The following SRC variants were observed in gnomAD, a reference collection of about 807,000 sequenced individuals.
The protein encoded by SRC is SRC proto-oncogene, non-receptor tyrosine kinase.
A neutral mutation model predicts 62.9 loss-of-function variants in SRC; 13 were observed. The ratio of observed to expected loss-of-function variants is 0.21; its 90% confidence interval spans 0.13 to 0.33. The LOEUF is 0.33. Ranked by LOEUF, SRC falls within the 10% of genes least tolerant of loss-of-function variation. The pLI, the probability that SRC is intolerant of heterozygous loss-of-function variation, is 1.00. For synonymous variants in SRC, 302 were observed against 317.5 expected, an observed-to-expected ratio of 0.95 and a Z score of 0.52; for missense variants, 457 against 737.3, an observed-to-expected ratio of 0.62 and a Z score of 4.40.
At chr20:37,364,602 G>A (rs1264666517) in intron 1 of SRC, among the ~76,000 whole-genome samples, 1 of 152,158 alleles carries the variant, frequency 6.6e-6, no homozygotes, top group Non-Finnish European at 1.5e-5. Flanking sequence ...AACCTGCTGT[G>A]TGATCTTGGA....
At chr20:37,375,220 C>T (rs1176339835) in intron 2 of SRC, among the ~76,000 whole-genome samples, 13 of 151,484 alleles carry the variant, frequency 8.6e-5, no homozygotes, top group Admixed American at 4.6e-4. Context: ...CATGAGCCAC[C>T]GCACCTGGCC....
intron 1 of SRC, among the ~76,000 whole-genome samples, chr20:37,346,837 A>G (rs924346004): frequency 6.6e-6 from 1 of 152,056 alleles, no homozygotes. Context: ...CACAGCCCCC[A>G]GCCTCGCCCC....
chr20:37,393,691 C>T, intron 5 of SRC: 1 of 564,214 alleles, frequency 1.8e-6, no homozygotes, highest in Non-Finnish European at 3.2e-6. Context: ...CCAGCTTTGG[C>T]AAAAAGGCGT....
In SRC at chr20:37,397,462, C is replaced by T. The variant is rs1196564908; in HGVS notation, c.704-237C>T. On this transcript the variant is annotated intron_variant, in intron 8 of 13. Coordinates refer to ENST00000373578, the MANE Select transcript of SRC (RefSeq NM_198291.3). This position sits in a 1 kb window ranked among gnomAD's most constrained non-coding sequence, Gnocchi z 4.1. ...TTCCCTCCCCGCAGGGTTCCTGGCA[C>T]CCCCTACTGTCTGCTGAATGACTGA... 6.6e-6 allele frequency among the ~76,000 whole-genome samples: 1 copy of T among 152,172 alleles called. No homozygotes were observed. Among genetic ancestry groups the T allele is most frequent in the Non-Finnish European group, 1.5e-5 (1 of 68,030 alleles).
In SRC at chr20:37,405,423, A is replaced by G. The variant is rs1847410518; in HGVS notation, c.*2044A>G. ...AAACACAAACAGACCTCAGAATCTG[A>G]TCAACAGTTTATTGAACATCTACTG... On this transcript the variant is annotated 3_prime_UTR_variant, in exon 14 of 14. Transcript: ENST00000373578. 5.0e-6 allele frequency: 1 copy of G among 201,104 alleles called. No individual in the cohort carries two copies. Among genetic ancestry groups the G allele is most frequent in the Non-Finnish European group, 1.0e-5 (1 of 97,714 alleles). The allele number at this position is 201,104 out of a possible 1,614,324, so 12.5% of individuals were successfully genotyped here.
chr20:37,401,809 C>A, intron 11 of SRC, 131 bp downstream of exon 11: 1 of 600,216 alleles, frequency 1.7e-6, no homozygotes. Context: ...ACTCACTGAT[C>A]TTGCCGCACG....
intron 7 of SRC, 22 bp downstream of exon 7, chr20:37,394,299 A>G (rs946366675): frequency 4.4e-6 from 7 of 1,600,926 alleles, no homozygotes; most frequent in Non-Finnish European, 6.0e-6. Context: ...CTTGCTGGCC[A>G]ACGGATACTG....
chr20:37,370,870 G>A (rs1203250652), intron 2 of SRC, among the ~76,000 whole-genome samples: 2 of 152,104 alleles, frequency 1.3e-5, no homozygotes. Flanking sequence ...GAATTCACCA[G>A]TCCAGCTATC....
Position 37,389,918 on chromosome 20 carries a change from G to A in SRC, c.350+3744G>A, listed in dbSNP as rs533427776. ...TGCCCACCTGATGAGGACCAGGCCC[G>A]GGGGAAGGTGCTGGATGCCGTAGAA... On this transcript the variant is annotated intron_variant, in intron 5 of 13. Coordinates refer to ENST00000373578, the MANE Select transcript of SRC (RefSeq NM_198291.3). Among the ~76,000 whole-genome samples, 98 of 152,258 alleles carry A rather than the reference G, an allele frequency of 6.4e-4. 1 individual carries two copies. The highest frequency in any genetic ancestry group is 2.2e-3 in the African/African-American group (93 of 41,552).
At chr20:37,399,106 A>G (rs1213999578) in intron 9 of SRC, among the ~76,000 whole-genome samples, 2 of 152,222 alleles carry the variant, frequency 1.3e-5, no homozygotes, top group African/African-American at 2.4e-5. Context: ...CTGAGCCCTC[A>G]CGGTGGGGCT....
At chr20:37,400,037 C>A in intron 9 of SRC, 78 bp from the exon 10 acceptor site, 1 of 1,432,644 alleles carries the variant, frequency 7.0e-7, no homozygotes, top group Non-Finnish European at 9.3e-7. Context: ...CACTGGCGCC[C>A]AGGTGGGCAG....
At position 37,402,372 on chromosome 20, in the gene SRC, G is replaced by A; in HGVS notation, c.1117-63G>A. The A allele has an allele frequency of 6.3e-7, 1 of 1,580,084 alleles. No homozygotes were observed. The highest frequency in any genetic ancestry group is 1.1e-5 in the South Asian group (1 of 88,442). ...GTGGTTGGCTCTCCAGCCCCAGAGT[G>A]CTCTGTGGCCCTGGGAGGGCATGGG... On this transcript the variant is annotated intron_variant, in intron 11 of 13. Coordinates refer to ENST00000373578, the MANE Select transcript of SRC (RefSeq NM_198291.3). The surrounding 1 kb of genome is among the most constrained non-coding windows in gnomAD (Gnocchi z 6.2).
Position 37,394,137 on chromosome 20 carries a change from G to GGACAGTCA in SRC, c.450-35_450-28dup, listed in dbSNP as rs1568640825. 6 of 1,596,330 alleles carry GGACAGTCA rather than the reference G, an allele frequency of 3.8e-6. No homozygotes were observed. In the South Asian group the frequency reaches 6.6e-5, roughly 18 times the overall value. On this transcript the variant is annotated intron_variant, in intron 6 of 13. Coordinates refer to ENST00000373578, the MANE Select transcript of SRC (RefSeq NM_198291.3). ...AAGCACTGTGAGTGGGCAGAAGCCTGGACAGTCAGCACCATCCTCCGTCCT... is the reference window on the plus strand; with the variant it reads ...AAGCACTGTGAGTGGGCAGAAGCCTGGACAGTCAGACAGTCAGCACCATCCTCCGTCCT...
intron 7 of SRC, among the ~76,000 whole-genome samples, chr20:37,394,556 G>A (rs2070608654): frequency 6.6e-6 from 1 of 152,124 alleles, no homozygotes; most frequent in African/African-American, 2.4e-5. Context: ...GTGTCACACA[G>A]TAACAGGCTC....
chr20:37,397,951 C>T lies in SRC; in HGVS notation c.859+97C>T. ...GTCCCTTTGCCTTTAGCTGCCTCTG[C>T]TGGATGACGGGGCCCTGTTGTAAAT... On this transcript the variant is annotated intron_variant, in intron 9 of 13. Transcript: ENST00000373578. This position sits in a 1 kb window ranked among gnomAD's most constrained non-coding sequence, Gnocchi z 4.1. 1 of 1,403,644 alleles carries T rather than the reference C, an allele frequency of 7.1e-7. No individual in the cohort carries two copies. The highest frequency in any genetic ancestry group is 9.5e-7 in the Non-Finnish European group (1 of 1,056,452). 86.9% of individuals were successfully genotyped at this position (1,403,644 alleles called of 1,614,324 possible).
chr20:37,390,952 T>G (rs937619627), intron 5 of SRC, among the ~76,000 whole-genome samples: 1 of 152,154 alleles, frequency 6.6e-6, no homozygotes, highest in African/African-American at 2.4e-5. Flanking sequence ...CCCTGCCCCT[T>G]GTGAAATGAA....
chr20:37,404,803 T>G lies in SRC; in HGVS notation c.*1424T>G, dbSNP rs1258723694. The G allele has an allele frequency of 4.3e-6, 1 of 233,438 alleles. No homozygotes were observed. Among genetic ancestry groups the G allele is most frequent in the Admixed American group, 5.6e-5 (1 of 17,772 alleles). 14.5% of individuals were successfully genotyped at this position (233,438 alleles called of 1,614,324 possible). A position where few individuals can be genotyped will look rare whatever the true frequency, so the allele number is the denominator to read the frequency against. On this transcript the variant is annotated 3_prime_UTR_variant, in exon 14 of 14. Coordinates refer to ENST00000373578, the MANE Select transcript of SRC (RefSeq NM_198291.3). The stretch of plus-strand genomic sequence containing the variant: ...GTTCGGCCTTTGGGTGTGTGGTGGA[T>G]TCTCCCTGGGCCTCAGTGTGCCCAT...
intron 5 of SRC, among the ~76,000 whole-genome samples, chr20:37,389,994 G>A (rs552598469): frequency 8.5e-5 from 13 of 152,256 alleles, no homozygotes; most frequent in South Asian, 4.1e-4. Flanking sequence ...CGCAGCCACC[G>A]GAGGCAGCTT....
At chr20:37,368,847 G>A (rs2070118927) in intron 2 of SRC, among the ~76,000 whole-genome samples, 1 of 152,090 alleles carries the variant, frequency 6.6e-6, no homozygotes, top group South Asian at 2.1e-4. Context: ...CACCGCGCCC[G>A]GCTATGCCTA....
Sources: allele counts gnomAD v4.1 joint callset (sites outside exome capture counted in the v4.1 genomes callset), GRCh38; gene constraint gnomAD v4.1.1; non-coding constraint Gnocchi (gnomAD v3.1); transcripts MANE v1.5; gene names NCBI Gene and HGNC (gene_info 2026-07-23, HGNC 2026-07-21).